The following ADAMTSL1 variants were observed in gnomAD, a reference collection of about 807,000 sequenced individuals.
The protein encoded by ADAMTSL1 is ADAMTS like 1, also known as ADAMTS-like protein 1.
Under a neutral mutation model 201.8 loss-of-function variants are expected in ADAMTSL1, and 126 were observed. The observed-to-expected ratio is 0.62, with a 90% CI of 0.54 to 0.72. The LOEUF (loss-of-function observed/expected upper bound fraction) is 0.72. Among genes scored for constraint, ADAMTSL1 ranks in the 30% least tolerant of loss-of-function variants. The probability of loss-of-function intolerance (pLI) is 0.00; values close to 1 mark genes in which losing one functional copy is unlikely to be tolerated. For missense variants in ADAMTSL1, 2,679 were observed against 2,277.8 expected (o/e 1.18, Z -3.59); for synonymous variants, 1,121 against 903.4 (o/e 1.24, Z -4.32).
At chr9:18,216,374 C>G (rs1413587477) in intron 2 of ADAMTSL1, among the ~76,000 whole-genome samples, 1 of 152,060 alleles carries the variant, frequency 6.6e-6, no homozygotes, top group Non-Finnish European at 1.5e-5. Flanking sequence ...AGAAATTCTG[C>G]CAGGTTATAG....
upstream of ADAMTSL1, among the ~76,000 whole-genome samples, chr9:18,471,031 C>T (rs927979038): frequency 6.6e-5 from 10 of 152,150 alleles, no homozygotes; most frequent in South Asian, 2.1e-4. Context: ...GGCCTTTCCC[C>T]GGTTGCCATT....
chr9:17,950,430 A>G (rs115116449), intron 1 of ADAMTSL1, among the ~76,000 whole-genome samples: 1,878 of 152,070 alleles, frequency 0.012, 41 homozygotes, highest in African/African-American at 0.043. Flanking sequence ...CTTTCCCAGA[A>G]GAAATTTCTA....
At position 18,750,803 on chromosome 9, in the gene ADAMTSL1, C is replaced by T. The variant is rs143539555; in HGVS notation, c.2007-2495C>T. Among the ~76,000 whole-genome samples the T allele has an allele frequency of 4.6e-5, 7 of 152,286 alleles. 1 individual carries two copies. The highest frequency in any genetic ancestry group is 2.1e-4 in the South Asian group (1 of 4,820). On this transcript the variant is annotated intron_variant, in intron 15 of 28. Coordinates refer to ENST00000380548, the MANE Select transcript of ADAMTSL1 (RefSeq NM_001040272.6). ...TCCTGAGGTTGCAGTTATCTAAAGG[C>T]AAGCTTGGGGCTGGAGGGTCTGCAT... is the stretch of plus-strand genomic sequence containing the variant.
intron 22 of ADAMTSL1, among the ~76,000 whole-genome samples, chr9:18,829,515 A>T (rs942269827): frequency 1.3e-5 from 2 of 152,162 alleles, no homozygotes; most frequent in East Asian, 1.9e-4. Context: ...TCACTTTTTT[A>T]AAAAAGTGTC....
intron 14 of ADAMTSL1, among the ~76,000 whole-genome samples, chr9:18,716,778 C>T (rs1410529273): frequency 6.9e-6 from 1 of 145,190 alleles, no homozygotes; most frequent in African/African-American, 2.6e-5. Context: ...GCTATAAAGA[C>T]ACATGCACAC....
In ADAMTSL1 at chr9:18,661,918, A is replaced by G. The variant is rs752837790; in HGVS notation, c.947-17A>G. ...GGCATGTACATTTAAACTTGCCTGG[A>G]TGGTTTGATACTACAGGTTATCAGC... is the stretch of plus-strand genomic sequence containing the variant. On this transcript the variant is annotated splice_polypyrimidine_tract_variant and intron_variant, in intron 8 of 28. Coordinates refer to ENST00000380548, the MANE Select transcript of ADAMTSL1 (RefSeq NM_001040272.6). 7 of 1,607,390 alleles carry G rather than the reference A, an allele frequency of 4.4e-6. No individual in the cohort carries two copies. In the African/African-American group the frequency reaches 5.4e-5, roughly 12 times the overall value.
At chr9:17,979,561 G>A (rs1755272) in intron 1 of ADAMTSL1, among the ~76,000 whole-genome samples, 39 of 150,482 alleles carry the variant, frequency 2.6e-4, no homozygotes, top group African/African-American at 9.1e-4. Context: ...TCTGCTTAAC[G>A]TCATGTTTTT....
At chr9:18,843,459 C>T (rs919635025) in intron 23 of ADAMTSL1, among the ~76,000 whole-genome samples, 11 of 150,960 alleles carry the variant, frequency 7.3e-5, no homozygotes, top group South Asian at 2.1e-4. Flanking sequence ...TCTCTGGCTG[C>T]GTTTAACATT....
chr9:18,534,299 C>T (rs1348239050), intron 3 of ADAMTSL1, among the ~76,000 whole-genome samples: 2 of 152,092 alleles, frequency 1.3e-5, no homozygotes, highest in East Asian at 3.9e-4. Context: ...GAGGCTGAGG[C>T]AGGAGGATCC....
intron 13 of ADAMTSL1, among the ~76,000 whole-genome samples, chr9:18,693,105 T>C (rs1376302488): frequency 6.6e-6 from 1 of 152,240 alleles, no homozygotes; most frequent in African/African-American, 2.4e-5. Context: ...AGCTCTCCTT[T>C]GGGTTTCTCT....
chr9:18,197,106 G>A (rs1164274107), intron 2 of ADAMTSL1, among the ~76,000 whole-genome samples: 1 of 152,146 alleles, frequency 6.6e-6, no homozygotes, highest in East Asian at 1.9e-4. Context: ...AGTAGAGATT[G>A]TGACTGTCTT....
intron 2 of ADAMTSL1, among the ~76,000 whole-genome samples, chr9:18,243,627 G>T (rs535871601): frequency 6.6e-6 from 1 of 151,964 alleles, no homozygotes; most frequent in African/African-American, 2.4e-5. Flanking sequence ...ATGTAGACTT[G>T]CCCCAAAACT....
chr9:18,540,015 T>A (rs935489644), intron 3 of ADAMTSL1, among the ~76,000 whole-genome samples: 5 of 152,034 alleles, frequency 3.3e-5, no homozygotes, highest in African/African-American at 7.2e-5. Flanking sequence ...ATAGGATGAA[T>A]AAAAAAATGC....
intron 21 of ADAMTSL1, among the ~76,000 whole-genome samples, chr9:18,825,440 G>A (rs749425883): frequency 4.6e-5 from 7 of 152,118 alleles, no homozygotes; most frequent in Non-Finnish European, 7.4e-5. Context: ...ACCATTTCAT[G>A]TTCTCTTGCT....
At chr9:18,741,395 A>G (rs570073730) in intron 15 of ADAMTSL1, among the ~76,000 whole-genome samples, 1 of 152,332 alleles carries the variant, frequency 6.6e-6, no homozygotes, top group Non-Finnish European at 1.5e-5. Flanking sequence ...AGGAGGCAGA[A>G]TCTTATAGAA....
chr9:18,169,936 A>G (rs1308144962), intron 2 of ADAMTSL1, among the ~76,000 whole-genome samples: 1 of 152,038 alleles, frequency 6.6e-6, no homozygotes, highest in Admixed American at 6.6e-5. Flanking sequence ...TCACAACTAT[A>G]ACTTGAGTTG....
chr9:18,888,123 G>C lies in ADAMTSL1; in HGVS notation c.4462+80G>C, dbSNP rs1829019229. 16 of 1,422,556 alleles carry C rather than the reference G, an allele frequency of 1.1e-5. No individual in the cohort carries two copies. In the East Asian group the frequency reaches 1.7e-4, roughly 15 times the overall value. 88.1% of individuals were successfully genotyped at this position (1,422,556 alleles called of 1,614,324 possible). On this transcript the variant is annotated intron_variant, in intron 24 of 28. Coordinates refer to ENST00000380548, the MANE Select transcript of ADAMTSL1 (RefSeq NM_001040272.6). ...GAATCTAACTATCTAGCAGAACAAA[G>C]AGATTTCTGATCTCCAGTGGTACTC...
intron 20 of ADAMTSL1, among the ~76,000 whole-genome samples, chr9:18,804,787 T>C (rs1046804708): frequency 6.6e-6 from 1 of 152,232 alleles, no homozygotes; most frequent in Non-Finnish European, 1.5e-5. Flanking sequence ...GTGATCCTTG[T>C]GAGAAACCTG....
chr9:18,267,769 A>AC lies in ADAMTSL1; in HGVS notation c.207+103788_207+103789insC, dbSNP rs1554647393. 6.4e-4 allele frequency among the ~76,000 whole-genome samples: 96 copies of AC among 149,436 alleles called. 1 individual carries two copies. The highest frequency in any genetic ancestry group is 1.9e-3 in the African/African-American group (76 of 40,818). On this transcript the variant is annotated intron_variant, in intron 2 of 29. Coordinates refer to the ADAMTSL1 transcript ENST00000680146. ...AGGTTACTCAAAGGCTATTAAAAAA[A>AC]AAAAACAAAAACAAAAACAAAAAAA... is the stretch of plus-strand genomic sequence containing the variant.
Sources: gnomAD v4.1 joint callset for allele counts (sites outside exome capture counted in the v4.1 genomes callset) on GRCh38, gnomAD v4.1.1 for gene constraint, MANE v1.5 for transcripts, NCBI Gene and HGNC (gene_info 2026-07-23, HGNC 2026-07-21) for gene names.